The following MALRD1 variants were observed in gnomAD, a reference collection of about 807,000 sequenced individuals.
MALRD1 encodes the protein MAM and LDL receptor class A domain containing 1, also known as MAM and LDL-receptor class A domain-containing protein 1.
MALRD1 carries 247 observed loss-of-function variants against 242.1 expected under a neutral mutation model. That is an observed-to-expected ratio of 1.02 (90% confidence interval 0.92 to 1.13). MALRD1 has a LOEUF of 1.13. Ranked by LOEUF, MALRD1 falls within the 50% of genes most tolerant of loss-of-function variation. The pLI, the probability that MALRD1 is intolerant of heterozygous loss-of-function variation, is 0.00. For missense variants in MALRD1, 2,989 were observed against 2,533.1 expected (o/e 1.18, Z -3.86); for synonymous variants, 995 against 866.6 (o/e 1.15, Z -2.60).
At chr10:19,118,966 A>C (rs1836969603) in intron 5 of MALRD1, among the ~76,000 whole-genome samples, 1 of 152,166 alleles carries the variant, frequency 6.6e-6, no homozygotes, top group South Asian at 2.1e-4. Context: ...ATTATAGTGG[A>C]GCAGGGACAA....
At chr10:19,613,832 C>T (rs1305559436) in intron 35 of MALRD1, among the ~76,000 whole-genome samples, 2 of 152,032 alleles carry the variant, frequency 1.3e-5, no homozygotes, top group African/African-American at 2.4e-5. Context: ...ATGCAACACC[C>T]TCTTCTCTGG....
intron 19 of MALRD1, among the ~76,000 whole-genome samples, chr10:19,273,153 A>G (rs547479096): frequency 1.3e-5 from 2 of 152,246 alleles, no homozygotes; most frequent in South Asian, 4.1e-4. Flanking sequence ...CACCCAAAAT[A>G]TTTCTTGATG....
At chr10:19,201,596 G>A (rs1465559132) in intron 14 of MALRD1, among the ~76,000 whole-genome samples, 2 of 152,086 alleles carry the variant, frequency 1.3e-5, no homozygotes, top group African/African-American at 4.8e-5. Flanking sequence ...AAAAGCATTT[G>A]CTTCCCAGGT....
At chr10:19,376,542 CTTTTTTTTTTTTTTTT>C (rs57836152) in intron 26 of MALRD1, among the ~76,000 whole-genome samples, 9 of 94,990 alleles carry the variant, frequency 9.5e-5, no homozygotes, top group East Asian at 6.9e-4. Flanking sequence ...TTGATACATT[CTTTTTTTTTTTTTTTT>C]TTTTTTTTTT....
chr10:19,457,767 A>AG (rs1229672405), intron 29 of MALRD1, among the ~76,000 whole-genome samples: 2 of 149,850 alleles, frequency 1.3e-5, no homozygotes, highest in East Asian at 3.9e-4. Context: ...AATGGTCTTG[A>AG]AAAAAAATAA....
intron 32 of MALRD1, among the ~76,000 whole-genome samples, chr10:19,535,274 C>G (rs1488461713): frequency 1.3e-5 from 2 of 151,908 alleles, no homozygotes; most frequent in African/African-American, 2.4e-5. Context: ...ATAGTACATT[C>G]GGTCATACGG....
At chr10:19,719,185 TATATACATAC>T (rs1486111023) in intron 38 of MALRD1, among the ~76,000 whole-genome samples, 3 of 102,708 alleles carry the variant, frequency 2.9e-5, no homozygotes, top group African/African-American at 1.5e-4. Context: ...CATATATATA[TATATACATAC>T]ATATATATAT....
At chr10:19,589,059 G>A (rs900781620) in intron 33 of MALRD1, among the ~76,000 whole-genome samples, 1 of 152,140 alleles carries the variant, frequency 6.6e-6, no homozygotes, top group African/African-American at 2.4e-5. Flanking sequence ...TACATTTTAA[G>A]CGTTGGATTA....
chr10:19,060,532 C>G (rs1564366696), intron 1 of MALRD1, among the ~76,000 whole-genome samples: 1 of 152,194 alleles, frequency 6.6e-6, no homozygotes. Flanking sequence ...TGCCTGGCCT[C>G]CCAGGGATGG....
chr10:19,254,836 CA>C (rs1166261985), intron 18 of MALRD1, among the ~76,000 whole-genome samples: 4 of 151,686 alleles, frequency 2.6e-5, no homozygotes, highest in Non-Finnish European at 5.9e-5. Flanking sequence ...TAATATTTTA[CA>C]AATACATGAT....
In MALRD1 at chr10:19,137,837, C is replaced by T. The variant is rs904216351; in HGVS notation, c.1411+1056C>T. On this transcript the variant is annotated intron_variant, in intron 10 of 39. Coordinates refer to ENST00000454679, the MANE Select transcript of MALRD1 (RefSeq NM_001142308.3). ...TGAGGTAACTTAGCAACTGAGATCC[C>T]TGTGTCTCTTTAGAAAACATGAATT... Among the ~76,000 whole-genome samples, 6 of 152,166 alleles carry T rather than the reference C, an allele frequency of 3.9e-5. 1 individual carries two copies. The highest frequency in any genetic ancestry group is 7.3e-5 in the Non-Finnish European group (5 of 68,038).
intron 26 of MALRD1, among the ~76,000 whole-genome samples, chr10:19,362,400 T>C (rs1752446224): frequency 6.6e-6 from 1 of 152,084 alleles, no homozygotes; most frequent in South Asian, 2.1e-4. Context: ...TCCCTCCAAA[T>C]CTAATCAGGT....
intron 26 of MALRD1, among the ~76,000 whole-genome samples, chr10:19,365,865 C>G (rs1845087854): frequency 6.6e-6 from 1 of 151,956 alleles, no homozygotes; most frequent in Admixed American, 6.6e-5. Flanking sequence ...AACCCAGAAA[C>G]TTTCCTGTTC....
chr10:19,510,947 C>G (rs118005949), intron 31 of MALRD1, among the ~76,000 whole-genome samples: 1 of 152,182 alleles, frequency 6.6e-6, no homozygotes, highest in Non-Finnish European at 1.5e-5. Context: ...CTACTGTAGA[C>G]ACTCCCCGCT....
chr10:19,464,178 G>A (rs1459794304), intron 29 of MALRD1, among the ~76,000 whole-genome samples: 1 of 152,140 alleles, frequency 6.6e-6, no homozygotes, highest in Non-Finnish European at 1.5e-5. Flanking sequence ...TGTTTACTCT[G>A]CTCACTGTTC....
intron 28 of MALRD1, among the ~76,000 whole-genome samples, chr10:19,406,608 C>T (rs569459255): frequency 3.9e-5 from 6 of 151,954 alleles, no homozygotes; most frequent in Admixed American, 2.0e-4. Context: ...ATGTTGTCAG[C>T]GGGTGAGTTA....
chr10:19,502,012 C>CAAA (rs1181159875), intron 31 of MALRD1, among the ~76,000 whole-genome samples: 6 of 40,342 alleles, frequency 1.5e-4, no homozygotes, highest in African/African-American at 5.5e-4. Flanking sequence ...GATTCTGTCT[C>CAAA]AAAAAAAAAA....
At chr10:19,391,316 G>A (rs1053782682) in intron 28 of MALRD1, among the ~76,000 whole-genome samples, 14 of 152,058 alleles carry the variant, frequency 9.2e-5, no homozygotes, top group African/African-American at 3.4e-4. Flanking sequence ...TAATATATTT[G>A]GATTCTATAT....
At chr10:19,117,885 A>G (rs995090150) in intron 5 of MALRD1, among the ~76,000 whole-genome samples, 2 of 152,234 alleles carry the variant, frequency 1.3e-5, no homozygotes, top group Admixed American at 1.3e-4. Context: ...TTATCAAACA[A>G]GTATACATTG....
Sources: allele counts gnomAD v4.1 joint callset (sites outside exome capture counted in the v4.1 genomes callset), GRCh38; gene constraint gnomAD v4.1.1; transcripts MANE v1.5; gene names NCBI Gene and HGNC (gene_info 2026-07-23, HGNC 2026-07-21).